SIM2: variants seen among roughly 807,000 people sequenced by gnomAD.
SIM2 encodes SIM bHLH transcription factor 2.
In SIM2, 28 loss-of-function variants were observed where a neutral mutation model predicts 64.8. That is an observed-to-expected ratio of 0.43 (90% CI 0.32 to 0.59). The LOEUF is 0.59. SIM2 is among the 20% of genes least tolerant of loss of function. The pLI is 0.07. For synonymous variants in SIM2, 408 were observed against 391.1 expected, an observed-to-expected ratio of 1.04 and a Z score of -0.51; for missense variants, 847 against 871.4, an observed-to-expected ratio of 0.97 and a Z score of 0.35.
Position 36,727,652 on chromosome 21 carries a change from G to A in SIM2, c.743+1334G>A, listed in dbSNP as rs115379855. 8.6e-3 allele frequency among the ~76,000 whole-genome samples: 1,305 copies of A among 152,286 alleles called. 22 individuals carry two copies. The highest frequency in any genetic ancestry group is 0.03 in the African/African-American group (1,235 of 41,566). On this transcript the variant is annotated intron_variant, in intron 6 of 10. Coordinates refer to ENST00000290399, the MANE Select transcript of SIM2 (RefSeq NM_005069.6). Reference sequence around the variant, plus strand: ...AGGTAGGTTCCTCAGCTGTGCAGTCGGGAATAAGCCATCAGAGACCCCGCT... The same window carrying A: ...AGGTAGGTTCCTCAGCTGTGCAGTCAGGAATAAGCCATCAGAGACCCCGCT...
rs559689598 is a variant in SIM2 at position 36,725,688 on chromosome 21, C to T, written c.544-431C>T. Among the ~76,000 whole-genome samples, 16 of 152,244 alleles carry T rather than the reference C, an allele frequency of 1.1e-4. No homozygotes were observed. The South Asian group carries it at 3.3e-3, about 32-fold the overall frequency. ...TGGCTGGAGTGCAGTGGCACAATCTCGGCTCACTGCAACCCCCGCCTCCAG... is the reference window on the plus strand; with the variant it reads ...TGGCTGGAGTGCAGTGGCACAATCTTGGCTCACTGCAACCCCCGCCTCCAG... On this transcript the variant is annotated intron_variant, in intron 5 of 10. Transcript: ENST00000290399.
Position 36,700,029 on chromosome 21 carries a change from A to G in SIM2, c.175+108A>G, listed in dbSNP as rs1276695186. ...GAGGGGTTGCCGCGGCCTGGCGTCCAGAGCTGGGGCGTCTGAGGGAGGTTG... is the reference window on the plus strand; with the variant it reads ...GAGGGGTTGCCGCGGCCTGGCGTCCGGAGCTGGGGCGTCTGAGGGAGGTTG... On this transcript the variant is annotated intron_variant, in intron 1 of 10. Coordinates refer to ENST00000290399, the MANE Select transcript of SIM2 (RefSeq NM_005069.6). 3 of 1,188,774 alleles carry G rather than the reference A, an allele frequency of 2.5e-6. No individual in the cohort carries two copies. The African/African-American group carries it at 4.8e-5, about 19-fold the overall frequency. 73.6% of individuals were successfully genotyped at this position (1,188,774 alleles called of 1,614,324 possible). A position where few individuals can be genotyped will look rare whatever the true frequency, so the allele number is the denominator to read the frequency against.
In SIM2 at chr21:36,727,527, C is replaced by A. The variant is rs1384646528; in HGVS notation, c.743+1209C>A. On this transcript the variant is annotated intron_variant, in intron 6 of 10. Coordinates refer to ENST00000290399, the MANE Select transcript of SIM2 (RefSeq NM_005069.6). ...TCTTATTTGTAAAACAGCAGCGCAG[C>A]CTGCCCACTCACTGCTAGGAAAGAT... 7.1e-4 allele frequency among the ~76,000 whole-genome samples: 108 copies of A among 152,320 alleles called. 3 individuals are homozygous for A. The highest frequency in any genetic ancestry group is 1.9e-4 in the Non-Finnish European group (13 of 68,028).
At chr21:36,711,807 T>C (rs1270093374) in intron 2 of SIM2, among the ~76,000 whole-genome samples, 1 of 152,234 alleles carries the variant, frequency 6.6e-6, no homozygotes, top group East Asian at 1.9e-4. Flanking sequence ...ATATAATCAT[T>C]ACCTTTTTAT....
chr21:36,719,433 C>T (rs1048712788), intron 3 of SIM2, among the ~76,000 whole-genome samples: 6 of 152,240 alleles, frequency 3.9e-5, no homozygotes, highest in African/African-American at 9.6e-5. Context: ...CCCCTCAGAT[C>T]GCCAGCAAGG....
intron 4 of SIM2, among the ~76,000 whole-genome samples, chr21:36,721,152 A>G (rs1426322212): frequency 6.6e-6 from 1 of 152,128 alleles, no homozygotes; most frequent in African/African-American, 2.4e-5. Flanking sequence ...GAGTCTAATT[A>G]TTCCTTACCA....
chr21:36,736,231 G>A (rs970224774), intron 7 of SIM2, among the ~76,000 whole-genome samples: 5 of 152,120 alleles, frequency 3.3e-5, no homozygotes, highest in African/African-American at 9.7e-5. Flanking sequence ...TGAGGTCACC[G>A]AGAGCAGGAA....
At chr21:36,703,399 G>A (rs1170972024) in intron 1 of SIM2, among the ~76,000 whole-genome samples, 1 of 152,176 alleles carries the variant, frequency 6.6e-6, no homozygotes, top group African/African-American at 2.4e-5. Flanking sequence ...GTGATGAAGG[G>A]TGAGGTCCCA....
rs1478963884 is a variant in SIM2, at chr21:36,745,236, G to T, written c.1576+100G>T. ...TGGCAGATGGAGACAGAACCCTCAC[G>T]CTTTGGGCAAACTTGCCCTCTTTCT... On this transcript the variant is annotated intron_variant, in intron 10 of 10. Coordinates refer to ENST00000290399, the MANE Select transcript of SIM2 (RefSeq NM_005069.6). This position sits in a 1 kb window ranked among gnomAD's most constrained non-coding sequence, Gnocchi z 4.8. 6.7e-7 allele frequency: 1 copy of T among 1,481,614 alleles called. No homozygotes were observed. 91.8% of individuals were successfully genotyped at this position (1,481,614 alleles called of 1,614,324 possible). A position where few individuals can be genotyped will look rare whatever the true frequency, so the allele number is the denominator to read the frequency against.
chr21:36,736,731 T>TC (rs1555876849), intron 7 of SIM2, among the ~76,000 whole-genome samples: 1 of 144,276 alleles, frequency 6.9e-6, no homozygotes, highest in Non-Finnish European at 1.5e-5. Flanking sequence ...CTTCCTTCCC[T>TC]CCTTCCCTTC....
At chr21:36,730,588 T>G (rs906535262) in intron 6 of SIM2, among the ~76,000 whole-genome samples, 1 of 152,216 alleles carries the variant, frequency 6.6e-6, no homozygotes, top group African/African-American at 2.4e-5. Context: ...CAAATACCAC[T>G]GAATTGTACA....
chr21:36,701,046 G>C (rs1396884319), intron 1 of SIM2, among the ~76,000 whole-genome samples: 1 of 152,242 alleles, frequency 6.6e-6, no homozygotes, highest in Non-Finnish European at 1.5e-5. Context: ...GCGTCTTCCA[G>C]AGCCTCTGCT....
At chr21:36,735,398 G>C (rs144901860) in intron 7 of SIM2, among the ~76,000 whole-genome samples, 16 of 152,266 alleles carry the variant, frequency 1.1e-4, no homozygotes, top group Middle Eastern at 3.4e-3. Flanking sequence ...TCTCCCTTCC[G>C]AGCCCTGTCT....
At chr21:36,737,961 C>CAAAAAAAAAAAA (rs61252184) in intron 7 of SIM2, among the ~76,000 whole-genome samples, 32 of 34,092 alleles carry the variant, frequency 9.4e-4, no homozygotes, top group African/African-American at 1.6e-3. Context: ...GACCCTGTCT[C>CAAAAAAAAAAAA]AAAAAAAAAA....
At chr21:36,702,077 G>T (rs1420710288) in intron 1 of SIM2, among the ~76,000 whole-genome samples, 12 of 152,214 alleles carry the variant, frequency 7.9e-5, no homozygotes, top group Non-Finnish European at 1.5e-4. Context: ...TAAAAGATGC[G>T]AAGTGGTGGG....
intron 7 of SIM2, among the ~76,000 whole-genome samples, chr21:36,733,221 C>A (rs903075735): frequency 1.3e-4 from 20 of 152,018 alleles, no homozygotes; most frequent in African/African-American, 4.6e-4. Flanking sequence ...CTGAGGGAAT[C>A]AAAAATCTCT....
intron 7 of SIM2, among the ~76,000 whole-genome samples, chr21:36,740,027 G>GAAAGAA (rs1194959641): frequency 3.0e-4 from 39 of 129,238 alleles, no homozygotes; most frequent in African/African-American, 1.0e-3. Flanking sequence ...AAGAAAGAAA[G>GAAAGAA]AAAGAAAGAA....
Position 36,747,478 on chromosome 21 carries a change from TG to T in SIM2, c.1577-185del, listed in dbSNP as rs1466148484. Among the ~76,000 whole-genome samples the T allele has an allele frequency of 2.6e-5, 4 of 152,016 alleles. No homozygotes were observed. Among genetic ancestry groups the T allele is most frequent in the African/African-American group, 9.7e-5 (4 of 41,410 alleles). Reference sequence around the variant, plus strand: ...TTTCCCTGCTTTGTAACGCGGCTCCTGGAACATTTCAGGTCGCGTCCTGAGA... The same window carrying T: ...TTTCCCTGCTTTGTAACGCGGCTCCTGAACATTTCAGGTCGCGTCCTGAGA... On this transcript the variant is annotated intron_variant, in intron 10 of 10. Transcript: ENST00000290399. This position sits in a 1 kb window ranked among gnomAD's most constrained non-coding sequence, Gnocchi z 4.5.
intron 6 of SIM2, among the ~76,000 whole-genome samples, chr21:36,730,629 T>C (rs1326023659): frequency 2.0e-5 from 3 of 152,198 alleles, no homozygotes; most frequent in Admixed American, 2.0e-4. Context: ...GAATTGTATA[T>C]GTATATTTTA....
Sources: allele counts gnomAD v4.1 joint callset (sites outside exome capture counted in the v4.1 genomes callset), GRCh38; gene constraint gnomAD v4.1.1; non-coding constraint Gnocchi (gnomAD v3.1); transcripts MANE v1.5; gene names NCBI Gene and HGNC (gene_info 2026-07-23, HGNC 2026-07-21).